SMCO1: variants seen among roughly 807,000 people sequenced by gnomAD.
The protein encoded by SMCO1 is single-pass membrane protein with coiled-coil domains 1.
In SMCO1, 9 loss-of-function variants were observed where a neutral mutation model predicts 7.5. The ratio of observed to expected loss-of-function variants is 1.20; its 90% CI spans 0.72 to 2.09. SMCO1 has a LOEUF of 2.09. Ranked by LOEUF, SMCO1 falls within the 30% of genes most tolerant of loss-of-function variation. The pLI is 0.00. For synonymous variants in SMCO1, 90 were observed against 93.8 expected (o/e 0.96, Z 0.23); for missense variants, 219 against 253.1 (o/e 0.87, Z 0.91).
intron 2 of SMCO1, 69 bp from the exon 3 acceptor site, chr3:196,508,400 T>A: frequency 2.9e-6 from 4 of 1,372,792 alleles, no homozygotes; most frequent in Non-Finnish European, 3.9e-6. Flanking sequence ...AATGAATTCT[T>A]TTAGGATAAC....
At chr3:196,520,359 A>G in the SMCO1 span, among the ~76,000 whole-genome samples, 3 of 152,164 alleles carry the variant, frequency 2.0e-5, no homozygotes, top group Admixed American at 6.5e-5. Flanking sequence ...AGGCAAGCCC[A>G]TAGGTAATAA....
Position 196,508,212 on chromosome 3 carries a change from G to A in SMCO1, c.320C>T (p.Ser107Phe), listed in dbSNP as rs1251286074. 1.9e-6 allele frequency: 3 copies of A among 1,614,134 alleles called. No homozygotes were observed. The highest frequency in any genetic ancestry group is 2.5e-6 in the Non-Finnish European group (3 of 1,180,030). Residue 107 changes from serine (S) to phenylalanine (F), a missense_variant, in exon 3 of 3, where the codon TCT (serine) becomes TTT (phenylalanine). Ser to Phe is a radical substitution (Grantham distance 155, BLOSUM62 -2). Transcript: ENST00000397537. Reference protein sequence around the residue: ...DLVRGLPTLASVLRRKVKNKR... With the variant: ...DLVRGLPTLAFVLRRKVKNKR... ...GTTCTTAACTTTTCTTCTGAGTACAGAGGCTAAGGTTGGAAGACCTCTCAC... is the reference window on the plus strand; with the variant it reads ...GTTCTTAACTTTTCTTCTGAGTACAAAGGCTAAGGTTGGAAGACCTCTCAC...
chr3:196,515,992 T>G (rs1432319931), upstream of SMCO1, among the ~76,000 whole-genome samples: 11 of 34,142 alleles, frequency 3.2e-4, no homozygotes, highest in East Asian at 2.4e-3. Context: ...GGATAGGATA[T>G]ATATATATAT....
In SMCO1 at chr3:196,507,803, A is replaced by C. The variant is rs1733087763; in HGVS notation, c.*84T>G. On this transcript the variant is annotated 3_prime_UTR_variant, in exon 3 of 3. Transcript: ENST00000397537. ...TCCTCTCACTCTTTGCTATAAAAAT[A>C]AGACTATAATAAATTGTGCATACTT... The C allele has an allele frequency of 1.3e-6, 1 of 747,326 alleles. No individual in the cohort carries two copies. Among genetic ancestry groups the C allele is most frequent in the East Asian group, 2.7e-5 (1 of 36,884 alleles). 46.3% of individuals were successfully genotyped at this position (747,326 alleles called of 1,614,324 possible).
At position 196,510,870 on chromosome 3, in the gene SMCO1, TAA is replaced by T. The variant is rs146316856; in HGVS notation, c.51-1203_51-1202del. Among the ~76,000 whole-genome samples, 1,027 of 152,326 alleles carry T rather than the reference TAA, an allele frequency of 6.7e-3. 10 individuals carry two copies. The highest frequency in any genetic ancestry group is 0.023 in the African/African-American group (966 of 41,558). On this transcript the variant is annotated intron_variant, in intron 1 of 2. Coordinates refer to ENST00000397537, the MANE Select transcript of SMCO1 (RefSeq NM_001077657.3). ...ACCCAGCAAAGGTCTTGCACAGTAATAAAAGTTTCCCTGTATGATTGACATCT... is the reference window on the plus strand; with the variant it reads ...ACCCAGCAAAGGTCTTGCACAGTAATAAGTTTCCCTGTATGATTGACATCT...
chr3:196,513,360 G>A (rs1354019234), intron 1 of SMCO1, among the ~76,000 whole-genome samples: 24 of 151,984 alleles, frequency 1.6e-4, no homozygotes, highest in African/African-American at 5.1e-4. Flanking sequence ...GCCGGGTGCA[G>A]TGGCTCACGC....
upstream of SMCO1, among the ~76,000 whole-genome samples, chr3:196,518,212 T>C (rs1361385493): frequency 6.6e-6 from 1 of 152,204 alleles, no homozygotes; most frequent in African/African-American, 2.4e-5. Context: ...ATGCCACACC[T>C]GGTCAAACCA....
chr3:196,515,317 T>A lies in SMCO1; in HGVS notation c.-108A>T. 1 of 797,992 alleles carries A rather than the reference T, an allele frequency of 1.3e-6. No individual in the cohort carries two copies. Among genetic ancestry groups the A allele is most frequent in the Non-Finnish European group, 2.2e-6 (1 of 461,326 alleles). 49.4% of individuals were successfully genotyped at this position (797,992 alleles called of 1,614,324 possible). A position where few individuals can be genotyped will look rare whatever the true frequency, so the allele number is the denominator to read the frequency against. On this transcript the variant is annotated 5_prime_UTR_variant, in exon 1 of 3. Coordinates refer to ENST00000397537, the MANE Select transcript of SMCO1 (RefSeq NM_001077657.3). ...TCTTCCTCTCAGCAACAGGCAGCAGTAGCAGGAGCGCTCAGTCTACATTCT... is the reference window on the plus strand; with the variant it reads ...TCTTCCTCTCAGCAACAGGCAGCAGAAGCAGGAGCGCTCAGTCTACATTCT...
intron 1 of SMCO1, 26 bp from the exon 2 acceptor site, chr3:196,509,695 A>C (rs2108661448): frequency 6.3e-7 from 1 of 1,594,200 alleles, no homozygotes; most frequent in Non-Finnish European, 8.6e-7. Context: ...ATCAAGGGTT[A>C]GTTTAGGTTA....
At chr3:196,511,749 G>A (rs796564828) in intron 1 of SMCO1, among the ~76,000 whole-genome samples, 2,793 of 34,040 alleles carry the variant, frequency 0.082, no homozygotes, top group Middle Eastern at 0.14. Flanking sequence ...TGCCTGGGCC[G>A]CCTAGATTGT....
the SMCO1 span, among the ~76,000 whole-genome samples, chr3:196,520,798 G>A: frequency 6.6e-6 from 1 of 152,182 alleles, no homozygotes; most frequent in Non-Finnish European, 1.5e-5. Context: ...GCTGAGACAA[G>A]AGACTGAAGG....
chr3:196,508,389 A>G, intron 2 of SMCO1, 58 bp from the exon 3 acceptor site: 1 of 1,438,304 alleles, frequency 7.0e-7, no homozygotes, highest in Non-Finnish European at 9.4e-7. Context: ...TAGAAACAGA[A>G]AATGAATTCT....
rs1032499009 is a variant in SMCO1 at position 196,515,238 on chromosome 3, A to G, written c.-29T>C. On this transcript the variant is annotated 5_prime_UTR_variant, in exon 1 of 3. Transcript: ENST00000397537. Reference sequence around the variant, plus strand: ...CTGAAGGCAAAAGGAAAGAAAACAAAAACAAAGCAAAACAAAAAAAGCAAT... The same window carrying G: ...CTGAAGGCAAAAGGAAAGAAAACAAGAACAAAGCAAAACAAAAAAAGCAAT... The G allele has an allele frequency of 6.5e-7, 1 of 1,532,070 alleles. No individual in the cohort carries two copies. The highest frequency in any genetic ancestry group is 1.4e-5 in the African/African-American group (1 of 73,308). 94.9% of individuals were successfully genotyped at this position (1,532,070 alleles called of 1,614,324 possible).
chr3:196,509,373 T>A, intron 2 of SMCO1, 147 bp downstream of exon 2: 1 of 804,228 alleles, frequency 1.2e-6, no homozygotes, highest in Non-Finnish European at 1.9e-6. Flanking sequence ...CAAATTAATC[T>A]TTTTTTAAAA....
intron 1 of SMCO1, among the ~76,000 whole-genome samples, chr3:196,513,604 G>A (rs1032691943): frequency 7.2e-6 from 1 of 139,276 alleles, no homozygotes; most frequent in Non-Finnish European, 1.5e-5. Context: ...ACTCCAGCCT[G>A]GTGACAGAGT....
chr3:196,517,133 A>AAAAAAAAAAAAAAAAAT (rs1733407669), upstream of SMCO1, among the ~76,000 whole-genome samples: 1 of 137,148 alleles, frequency 7.3e-6, no homozygotes, highest in African/African-American at 2.6e-5. Flanking sequence ...AAAAAAAAAA[A>AAAAAAAAAAAAAAAAAT]GATTAATCTA....
At chr3:196,515,987 G>GAATA (rs1733373608), upstream of SMCO1, among the ~76,000 whole-genome samples, 1 of 8,518 alleles carries the variant, frequency 1.2e-4, no homozygotes, top group African/African-American at 1.1e-3. Flanking sequence ...CAAGAGGATA[G>GAATA]GATATATATA....
chr3:196,509,698 TTAGGTTA>T (rs1285928406), intron 1 of SMCO1, 29 bp from the exon 2 acceptor site: 4 of 1,593,062 alleles, frequency 2.5e-6, no homozygotes, highest in Non-Finnish European at 3.4e-6. Flanking sequence ...AAGGGTTAGT[TTAGGTTA>T]CAGGACAAAA....
upstream of SMCO1, among the ~76,000 whole-genome samples, chr3:196,520,292 C>T (rs779524217): frequency 6.6e-6 from 1 of 152,178 alleles, no homozygotes; most frequent in Non-Finnish European, 1.5e-5. Context: ...CCCTGTGAGA[C>T]AACCCAGATC....
Sources: allele counts gnomAD v4.1 joint callset (sites outside exome capture counted in the v4.1 genomes callset), GRCh38; gene constraint gnomAD v4.1.1; transcripts MANE v1.5; gene names NCBI Gene and HGNC (gene_info 2026-07-23, HGNC 2026-07-21).